SKAP2: variants seen among roughly 807,000 people sequenced by gnomAD.
SKAP2 encodes the protein src kinase associated phosphoprotein 2.
SKAP2 carries 28 observed loss-of-function variants against 54.9 expected under a neutral mutation model. That is an observed-to-expected ratio of 0.51 (90% confidence interval 0.38 to 0.70). The LOEUF (loss-of-function observed/expected upper bound fraction) is 0.70, where lower values mean the gene tolerates loss of function less well. Among genes scored for constraint, SKAP2 ranks in the 30% least tolerant of loss-of-function variants. SKAP2 has a pLI of 0.00. For missense variants in SKAP2, 356 were observed against 424.1 expected (o/e 0.84, Z 1.41); for synonymous variants, 137 against 134.3 (o/e 1.02, Z -0.14).
intron 4 of SKAP2, among the ~76,000 whole-genome samples, chr7:26,841,172 AGC>A (rs1784809316): frequency 1.3e-5 from 2 of 152,186 alleles, no homozygotes; most frequent in East Asian, 1.9e-4. Context: ...TCTCTGACAA[AGC>A]TGTGGCTACT....
chr7:26,810,689 GTTTT>G (rs371260844), intron 4 of SKAP2, among the ~76,000 whole-genome samples: 6 of 151,922 alleles, frequency 3.9e-5, no homozygotes, highest in Admixed American at 1.3e-4. Flanking sequence ...GTTTTTGTTT[GTTTT>G]TTTCTTTGAG....
intron 1 of SKAP2, among the ~76,000 whole-genome samples, chr7:26,863,579 C>A (rs1460346483): frequency 1.3e-5 from 2 of 152,096 alleles, no homozygotes; most frequent in Non-Finnish European, 2.9e-5. Flanking sequence ...AATTAATGAA[C>A]TAGTAGTGGA....
intron 4 of SKAP2, among the ~76,000 whole-genome samples, chr7:26,782,652 T>C (rs1421021408): frequency 6.6e-6 from 1 of 152,086 alleles, no homozygotes; most frequent in East Asian, 1.9e-4. Flanking sequence ...GATCATGCCA[T>C]TGCACTCTAG....
At chr7:26,853,527 T>C (rs989876248) in intron 3 of SKAP2, among the ~76,000 whole-genome samples, 6 of 152,146 alleles carry the variant, frequency 3.9e-5, no homozygotes, top group African/African-American at 1.4e-4. Context: ...ACAATCAGGT[T>C]ATCAGCATTC....
At chr7:26,815,443 A>C (rs372388449) in intron 4 of SKAP2, among the ~76,000 whole-genome samples, 2 of 152,322 alleles carry the variant, frequency 1.3e-5, no homozygotes, top group East Asian at 3.9e-4. Context: ...AAATGGCCAA[A>C]GAAGATTCTC....
At position 26,670,103 on chromosome 7, in the gene SKAP2, A is replaced by G. The variant is rs1263513879; in HGVS notation, c.1077T>C (p.Ile359=). Residue 359 remains isoleucine (I), a synonymous_variant, in exon 12 of 13, where the codon ATT becomes ATC. Coordinates refer to ENST00000345317, the MANE Select transcript of SKAP2 (RefSeq NM_003930.5). The part of the protein sequence containing the change: ...PKAYIMEMYD[I] ...AAAATGTACTTACCCAGGACTCTCAAATATCATACATCTCCATTATGTAGG... is the reference window on the plus strand; with the variant it reads ...AAAATGTACTTACCCAGGACTCTCAGATATCATACATCTCCATTATGTAGG... 7.0e-6 allele frequency: 10 copies of G among 1,427,110 alleles called. No homozygotes were observed. Among genetic ancestry groups the G allele is most frequent in the Non-Finnish European group, 9.9e-6 (10 of 1,009,690 alleles). The allele number at this position is 1,427,110 out of a possible 1,614,324, so 88.4% of individuals were successfully genotyped here.
chr7:26,823,925 G>T (rs1224766080), intron 4 of SKAP2, among the ~76,000 whole-genome samples: 1 of 152,200 alleles, frequency 6.6e-6, no homozygotes, highest in African/African-American at 2.4e-5. Context: ...TGATGAAGAT[G>T]CTAACAACAC....
At chr7:26,661,311 G>A in the SKAP2 span, among the ~76,000 whole-genome samples, 2 of 151,972 alleles carry the variant, frequency 1.3e-5, no homozygotes, top group African/African-American at 4.8e-5. Flanking sequence ...ATAAAATTGT[G>A]TCACTCCTAG....
At chr7:26,665,672 GCTA>G (rs1269848424), downstream of SKAP2, among the ~76,000 whole-genome samples, 1 of 152,110 alleles carries the variant, frequency 6.6e-6, no homozygotes, top group African/African-American at 2.4e-5. Flanking sequence ...GTCATTCCAT[GCTA>G]CTGTGATCAT....
chr7:26,809,754 G>A (rs1349458844), intron 4 of SKAP2, among the ~76,000 whole-genome samples: 1 of 152,070 alleles, frequency 6.6e-6, no homozygotes, highest in Non-Finnish European at 1.5e-5. Context: ...CCACTTCTGG[G>A]AATATATCCA....
chr7:26,809,556 A>T (rs1054006059), intron 4 of SKAP2, among the ~76,000 whole-genome samples: 2 of 152,162 alleles, frequency 1.3e-5, no homozygotes, highest in African/African-American at 4.8e-5. Context: ...CAATGAGATA[A>T]CACCTCACAC....
intron 4 of SKAP2, among the ~76,000 whole-genome samples, chr7:26,777,098 A>T (rs532185126): frequency 1.3e-5 from 2 of 152,314 alleles, no homozygotes; most frequent in East Asian, 3.9e-4. Context: ...TAATATTCAG[A>T]GGAAAAAATG....
At chr7:26,681,851 A>T (rs1786509748) in intron 11 of SKAP2, among the ~76,000 whole-genome samples, 1 of 152,224 alleles carries the variant, frequency 6.6e-6, no homozygotes, top group Admixed American at 6.5e-5. Flanking sequence ...CAGAATGATG[A>T]ACAAAGTTTT....
At chr7:26,823,199 G>A (rs1408358892) in intron 4 of SKAP2, among the ~76,000 whole-genome samples, 1 of 152,102 alleles carries the variant, frequency 6.6e-6, no homozygotes, top group African/African-American at 2.4e-5. Flanking sequence ...GCCGAGGCAG[G>A]AGGATTACCT....
chr7:26,826,048 G>A (rs1304861551), intron 4 of SKAP2, among the ~76,000 whole-genome samples: 1 of 151,982 alleles, frequency 6.6e-6, no homozygotes, highest in African/African-American at 2.4e-5. Flanking sequence ...GGGATCAGGT[G>A]AAGCTGGCCT....
In SKAP2 at chr7:26,690,374, CATT is replaced by C. The variant is rs761760236; in HGVS notation, c.797-15_797-13del. 18 of 1,575,730 alleles carry C rather than the reference CATT, an allele frequency of 1.1e-5. No individual in the cohort carries two copies. Among genetic ancestry groups the C allele is most frequent in the Non-Finnish European group, 1.6e-5 (18 of 1,145,242 alleles). ...GTCCTCTTCTTCTTCTGTAAATAAACATTATCAATGGCACATTGAAGGGTTTTC... is the reference window on the plus strand; with the variant it reads ...GTCCTCTTCTTCTTCTGTAAATAAACATCAATGGCACATTGAAGGGTTTTC... On this transcript the variant is annotated splice_polypyrimidine_tract_variant and intron_variant, in intron 9 of 12. Coordinates refer to ENST00000345317, the MANE Select transcript of SKAP2 (RefSeq NM_003930.5).
At chr7:26,714,762 GTGTATTT>G in intron 9 of SKAP2, among the ~76,000 whole-genome samples, 1 of 152,290 alleles carries the variant, frequency 6.6e-6, no homozygotes, top group East Asian at 1.9e-4. Flanking sequence ...GTACATATGT[GTGTATTT>G]TTTTTTCTGG....
chr7:26,803,952 G>A (rs1783968584), intron 4 of SKAP2, among the ~76,000 whole-genome samples: 1 of 152,152 alleles, frequency 6.6e-6, no homozygotes, highest in African/African-American at 2.4e-5. Flanking sequence ...GAGTGTAGAG[G>A]ATGGTTATCA....
chr7:26,763,812 T>TC (rs57253438), intron 4 of SKAP2, among the ~76,000 whole-genome samples: 65,206 of 151,874 alleles, frequency 0.43, 14,466 homozygotes, highest in Middle Eastern at 0.49. Flanking sequence ...AGCCTATTGC[T>TC]CCTAGGCTAC....
Sources: allele counts gnomAD v4.1 joint callset (sites outside exome capture counted in the v4.1 genomes callset), GRCh38; gene constraint gnomAD v4.1.1; transcripts MANE v1.5; gene names NCBI Gene and HGNC (gene_info 2026-07-23, HGNC 2026-07-21).